MSRA: variants seen among roughly 807,000 people sequenced by gnomAD.
MSRA encodes the protein methionine sulfoxide reductase A, also known as mitochondrial peptide methionine sulfoxide reductase.
A neutral mutation model predicts 31.3 loss-of-function variants in MSRA; 54 were observed. That is an observed-to-expected ratio of 1.73 (90% CI 1.39 to 2.17). The LOEUF (loss-of-function observed/expected upper bound fraction) is 2.17. Among genes scored for constraint, MSRA ranks in the 30% most tolerant of loss-of-function variants. The pLI, the probability that MSRA is intolerant of heterozygous loss-of-function variation, is 0.00. For synonymous variants in MSRA, 169 were observed against 116.5 expected (o/e 1.45, Z -2.90); for missense variants, 507 against 300.9 (o/e 1.69, Z -5.07).
chr8:10,257,725 C>T lies in MSRA; in HGVS notation c.331+12502C>T, dbSNP rs535565059. 2.0e-5 allele frequency among the ~76,000 whole-genome samples: 3 copies of T among 152,282 alleles called. No individual in the cohort carries two copies. In the South Asian group the frequency reaches 6.2e-4, roughly 32 times the overall value. ...TGTTAAATAAGTACAGTTGTCTCTCCGTGTTTGGACTAACTGCTCAAGGCT... is the reference window on the plus strand; with the variant it reads ...TGTTAAATAAGTACAGTTGTCTCTCTGTGTTTGGACTAACTGCTCAAGGCT... On this transcript the variant is annotated intron_variant, in intron 3 of 5. Coordinates refer to ENST00000317173, the MANE Select transcript of MSRA (RefSeq NM_012331.5).
At chr8:10,220,649 C>T (rs999996144) in intron 2 of MSRA, among the ~76,000 whole-genome samples, 3 of 152,132 alleles carry the variant, frequency 2.0e-5, no homozygotes, top group Non-Finnish European at 2.9e-5. Flanking sequence ...ATAATTCTGC[C>T]ACTTGTCAGG....
intron 2 of MSRA, among the ~76,000 whole-genome samples, chr8:10,239,108 C>A (rs890271901): frequency 2.0e-5 from 3 of 151,860 alleles, no homozygotes; most frequent in African/African-American, 7.3e-5. Context: ...CGTGAGTGGC[C>A]CATATACTAT....
Position 10,428,218 on chromosome 8 carries a change from A to G in MSRA, c.614A>G (p.Glu205Gly). 4 of 1,614,150 alleles carry G rather than the reference A, an allele frequency of 2.5e-6. No homozygotes were observed. Among genetic ancestry groups the G allele is most frequent in the Non-Finnish European group, 3.4e-6 (4 of 1,180,030 alleles). Residue 205 changes from glutamate to glycine, a missense_variant, in exon 6 of 6, where the codon GAA (glutamate) becomes GGA (glycine). By Grantham distance (98) the Glu-to-Gly change is moderately conservative. Transcript: ENST00000317173. ...IREGQTFYYAEDYHQQYLSKN... is the reference protein window; with the variant it reads ...IREGQTFYYAGDYHQQYLSKN... ...GAGGGACAGACTTTCTACTATGCGGAAGACTACCACCAGCAGTACCTGAGC... is the reference window on the plus strand; with the variant it reads ...GAGGGACAGACTTTCTACTATGCGGGAGACTACCACCAGCAGTACCTGAGC...
chr8:10,402,286 C>A (rs1049332840), intron 5 of MSRA, among the ~76,000 whole-genome samples: 3 of 152,232 alleles, frequency 2.0e-5, no homozygotes, highest in Non-Finnish European at 4.4e-5. Context: ...GCTGAGCCTA[C>A]CCCTGGAGGG....
intron 1 of MSRA, among the ~76,000 whole-genome samples, chr8:10,159,694 G>A (rs1804474924): frequency 6.6e-6 from 1 of 152,168 alleles, no homozygotes; most frequent in African/African-American, 2.4e-5. Context: ...GTTGCCTCTT[G>A]TAAGGCAGAA....
At chr8:10,398,598 A>T (rs910237311) in intron 5 of MSRA, among the ~76,000 whole-genome samples, 1 of 152,152 alleles carries the variant, frequency 6.6e-6, no homozygotes, top group Non-Finnish European at 1.5e-5. Flanking sequence ...TGCTGGGGAG[A>T]TGCTGCCTGC....
intron 2 of MSRA, among the ~76,000 whole-genome samples, chr8:10,218,951 C>G (rs998825793): frequency 2.0e-5 from 3 of 152,176 alleles, no homozygotes; most frequent in Non-Finnish European, 2.9e-5. Context: ...AGGCAAAGCT[C>G]TCTCCACGGA....
intron 2 of MSRA, among the ~76,000 whole-genome samples, chr8:10,224,871 C>T (rs969972630): frequency 3.3e-5 from 5 of 152,146 alleles, no homozygotes; most frequent in African/African-American, 1.2e-4. Flanking sequence ...ACTACTAGGG[C>T]CGGGCGCAGT....
intron 5 of MSRA, among the ~76,000 whole-genome samples, chr8:10,323,745 C>CGT (rs10643873): frequency 0.4 from 56,766 of 142,548 alleles, 11,180 homozygotes; most frequent in Non-Finnish European, 0.42. Context: ...GAATTAAATA[C>CGT]GTGTGTGTGT....
chr8:10,275,745 G>A (rs771528798), intron 3 of MSRA, among the ~76,000 whole-genome samples: 2 of 152,160 alleles, frequency 1.3e-5, no homozygotes, highest in Non-Finnish European at 2.9e-5. Context: ...CTTATAAGCT[G>A]TGTGACACAA....
intron 3 of MSRA, among the ~76,000 whole-genome samples, chr8:10,293,584 C>A (rs989172087): frequency 1.3e-5 from 2 of 152,216 alleles, no homozygotes; most frequent in African/African-American, 2.4e-5. Flanking sequence ...TTGGATAGCA[C>A]TGTGGTGACT....
chr8:10,068,842 T>C (rs1468340264), intron 1 of MSRA, among the ~76,000 whole-genome samples: 4 of 152,206 alleles, frequency 2.6e-5, no homozygotes, highest in Non-Finnish European at 5.9e-5. Flanking sequence ...ATTGCAATGA[T>C]AGGGTTGCAC....
chr8:10,063,712 G>A (rs1159123912), intron 1 of MSRA, among the ~76,000 whole-genome samples: 2 of 152,192 alleles, frequency 1.3e-5, no homozygotes, highest in South Asian at 2.1e-4. Context: ...AGAAGGCGCT[G>A]TCCGTGAACC....
At chr8:10,403,512 C>T (rs1807595933) in intron 5 of MSRA, among the ~76,000 whole-genome samples, 1 of 152,146 alleles carries the variant, frequency 6.6e-6, no homozygotes, top group African/African-American at 2.4e-5. Flanking sequence ...AGAGAATTGC[C>T]GCTGGGGCTC....
Position 10,072,325 on chromosome 8 carries a change from A to C in MSRA, c.142+17667A>C, listed in dbSNP as rs534585643. ...GCAACATTTTTTTTTTTTTTTGTCT[A>C]TGGATGAATATTCAGTTACTACAGA... On this transcript the variant is annotated intron_variant, in intron 1 of 5. Coordinates refer to ENST00000317173, the MANE Select transcript of MSRA (RefSeq NM_012331.5). Among the ~76,000 whole-genome samples the C allele has an allele frequency of 4.3e-4, 63 of 147,128 alleles. 2 individuals are homozygous for C. In the South Asian group the frequency reaches 0.013, roughly 30 times the overall value.
chr8:10,145,962 A>G (rs557153477), intron 1 of MSRA, among the ~76,000 whole-genome samples: 1 of 152,308 alleles, frequency 6.6e-6, no homozygotes, highest in Admixed American at 6.5e-5. Context: ...GTGTCCTCCA[A>G]TTTGAAATCT....
At chr8:10,361,260 G>C (rs1169045132) in intron 5 of MSRA, among the ~76,000 whole-genome samples, 1 of 152,202 alleles carries the variant, frequency 6.6e-6, no homozygotes, top group Non-Finnish European at 1.5e-5. Flanking sequence ...ATTTAGCCAA[G>C]CTCAGTGACT....
chr8:10,337,482 C>A (rs918336030), intron 5 of MSRA: 2 of 527,402 alleles, frequency 3.8e-6, no homozygotes, highest in African/African-American at 3.9e-5. Flanking sequence ...CCCGGCCAAG[C>A]CTATGTCGCT....
intron 5 of MSRA, among the ~76,000 whole-genome samples, chr8:10,427,811 G>T (rs758308526): frequency 3.3e-5 from 5 of 152,174 alleles, no homozygotes; most frequent in Non-Finnish European, 4.4e-5. Flanking sequence ...TTTCCCCTGG[G>T]AGAGCTTTGG....
Sources: gnomAD v4.1 joint callset for allele counts (sites outside exome capture counted in the v4.1 genomes callset) on GRCh38, gnomAD v4.1.1 for gene constraint, MANE v1.5 for transcripts, NCBI Gene and HGNC (gene_info 2026-07-23, HGNC 2026-07-21) for gene names.